Variants in TRMT44 observed in about 807,000 individuals in gnomAD.
TRMT44 encodes the protein tRNA methyltransferase 44 homolog.
Under a neutral mutation model 77.3 loss-of-function variants are expected in TRMT44, and 78 were observed. The ratio of observed to expected loss-of-function variants is 1.01; its 90% CI spans 0.84 to 1.22. The LOEUF is 1.22. TRMT44 is among the 50% of genes most tolerant of loss of function. The probability of loss-of-function intolerance (pLI) is 0.00; values close to 1 mark genes in which losing one functional copy is unlikely to be tolerated. For synonymous variants in TRMT44, 391 were observed against 383.3 expected, an observed-to-expected ratio of 1.02 and a Z score of -0.23; for missense variants, 1,090 against 964.4, an observed-to-expected ratio of 1.13 and a Z score of -1.73.
the TRMT44 span, among the ~76,000 whole-genome samples, chr4:8,514,350 T>G: frequency 0.072 from 10,740 of 148,962 alleles, 416 homozygotes; most frequent in African/African-American, 0.1. Context: ...TGCCTTCCCA[T>G]ATTCGAGCCC....
chr4:8,484,916 G>A (rs1340562227), intron 2 of TRMT44, among the ~76,000 whole-genome samples: 5 of 152,182 alleles, frequency 3.3e-5, no homozygotes, highest in South Asian at 2.1e-4. Flanking sequence ...GAATTATGCC[G>A]AGATAGGTAA....
At chr4:8,511,579 C>T in the TRMT44 span, among the ~76,000 whole-genome samples, 1 of 152,114 alleles carries the variant, frequency 6.6e-6, no homozygotes, top group Non-Finnish European at 1.5e-5. Context: ...GATCAACATC[C>T]CTAAAGTCTA....
In TRMT44 at chr4:8,444,916, T is replaced by G. The variant is rs1243094598; in HGVS notation, c.620-1560T>G. 2.0e-5 allele frequency among the ~76,000 whole-genome samples: 3 copies of G among 152,178 alleles called. No individual in the cohort carries two copies. The highest frequency in any genetic ancestry group is 2.9e-5 in the Non-Finnish European group (2 of 68,048). ...AATTTTAAAAATCGAAATTTATCAT[T>G]GTGTAGCGACAACAGTGACAGCAGA... On this transcript the variant is annotated intron_variant, in intron 1 of 10. Coordinates refer to ENST00000389737, the MANE Select transcript of TRMT44 (RefSeq NM_152544.3). This position sits in a 1 kb window ranked among gnomAD's most constrained non-coding sequence, Gnocchi z 4.0.
chr4:8,470,129 G>A (rs146916284), intron 9 of TRMT44, among the ~76,000 whole-genome samples: 198 of 152,370 alleles, frequency 1.3e-3, no homozygotes, highest in African/African-American at 4.5e-3. Context: ...CAACAGGGAA[G>A]GCTGACTGGG....
chr4:8,451,992 C>A lies in TRMT44; in HGVS notation c.987C>A (p.Phe329Leu), dbSNP rs1352676784. The A allele has an allele frequency of 2.0e-6, 3 of 1,536,654 alleles. No individual in the cohort carries two copies. Among genetic ancestry groups the A allele is most frequent in the African/African-American group, 2.7e-5 (2 of 73,132 alleles). Residue 329 changes from phenylalanine (F) to leucine (L), a missense_variant, in exon 4 of 11, where the codon TTC (phenylalanine) becomes TTA (leucine). By Grantham distance (22) the Phe-to-Leu change is conservative. Coordinates refer to ENST00000389737, the MANE Select transcript of TRMT44 (RefSeq NM_152544.3). The surrounding 1 kb of genome is among the most constrained non-coding windows in gnomAD (Gnocchi z 4.1). ...VWPEVTDPEK[F>L]VYEDVAIAAY... is the part of the protein sequence containing the mutation. ...CTGAAGTCACTGATCCTGAGAAGTT[C>A]GTGTATGAAGATGTGGCTATCGCAG...
intron 2 of TRMT44, 92 bp from the exon 3 acceptor site, chr4:8,449,577 C>A: frequency 9.6e-7 from 1 of 1,036,670 alleles, no homozygotes; most frequent in Non-Finnish European, 1.4e-6. Flanking sequence ...GATGTCTTAG[C>A]TTCTGTTTTC....
chr4:8,485,919 G>A (rs753639191), intron 2 of TRMT44, among the ~76,000 whole-genome samples: 2 of 152,182 alleles, frequency 1.3e-5, no homozygotes, highest in Non-Finnish European at 2.9e-5. Context: ...AGGCAACGTG[G>A]AGTGGGTAGC....
At chr4:8,488,954 C>G (rs192137971) in intron 2 of TRMT44, among the ~76,000 whole-genome samples, 7 of 152,322 alleles carry the variant, frequency 4.6e-5, no homozygotes, top group Admixed American at 4.6e-4. Context: ...GTGGGAGCAG[C>G]ACCACCCACA....
At chr4:8,450,836 C>T (rs555549218) in intron 3 of TRMT44, among the ~76,000 whole-genome samples, 11 of 122,530 alleles carry the variant, frequency 9.0e-5, no homozygotes, top group African/African-American at 2.2e-4. Context: ...CTCACTCTGT[C>T]GCCTAGGCTG....
chr4:8,503,269 C>A, the TRMT44 span, among the ~76,000 whole-genome samples: 1 of 152,262 alleles, frequency 6.6e-6, no homozygotes. Context: ...ATTCACCTTG[C>A]AAGGCAAGCT....
In TRMT44 at chr4:8,440,946, C is replaced by T; in HGVS notation, c.124C>T (p.Arg42Cys). The change falls in exon 1 of 11, where the codon CGC becomes TGC. Residue 42 changes from arginine (R) to cysteine (C), a missense_variant. Coordinates refer to ENST00000389737, the MANE Select transcript of TRMT44 (RefSeq NM_152544.3). Reference sequence around the variant, plus strand: ...GGCAAACAAACGGCTTTGCGGCGCCCGCCTGGAGGCCCGCTGGAGCGCCGC... The same window carrying T: ...GGCAAACAAACGGCTTTGCGGCGCCTGCCTGGAGGCCCGCTGGAGCGCCGC... ...QVANKRLCGA[R>C]LEARWSAALP... 1 of 1,529,448 alleles carries T rather than the reference C, an allele frequency of 6.5e-7. No individual in the cohort carries two copies. The highest frequency in any genetic ancestry group is 1.2e-5 in the South Asian group (1 of 83,164). The allele number at this position is 1,529,448 out of a possible 1,614,324, so 94.7% of individuals were successfully genotyped here.
intron 9 of TRMT44, among the ~76,000 whole-genome samples, chr4:8,470,660 T>C (rs1244461791): frequency 6.6e-6 from 1 of 152,196 alleles, no homozygotes; most frequent in African/African-American, 2.4e-5. Flanking sequence ...CCAGGCTGGC[T>C]GCCCCATGGT....
the TRMT44 span, among the ~76,000 whole-genome samples, chr4:8,512,951 C>T: frequency 0.017 from 2,558 of 152,262 alleles, 27 homozygotes; most frequent in Non-Finnish European, 0.027. Flanking sequence ...GTCACTCTCT[C>T]GCCCGGGCTG....
intron 2 of TRMT44, among the ~76,000 whole-genome samples, chr4:8,487,085 C>T (rs1005666448): frequency 5.9e-5 from 9 of 152,084 alleles, no homozygotes; most frequent in African/African-American, 2.2e-4. Context: ...GGACGTCAGG[C>T]ACATCAGACT....
chr4:8,471,167 A>G lies in TRMT44; in HGVS notation c.2011A>G (p.Thr671Ala). The change falls in exon 10 of 11, where the codon ACG becomes GCG. Residue 671 changes from threonine (T) to alanine (A), a missense_variant. Transcript: ENST00000389737. Reference sequence around the variant, plus strand: ...GAAGCGGGAGTGTGGGGGCCTGCAGACGCTGCTCCGGAACAGCCACCAGGT... The same window carrying G: ...GAAGCGGGAGTGTGGGGGCCTGCAGGCGCTGCTCCGGAACAGCCACCAGGT... ...RLKRECGGLQTLLRNSHQVFQ... is the reference protein window; with the variant it reads ...RLKRECGGLQALLRNSHQVFQ... The G allele has an allele frequency of 1.2e-6, 2 of 1,607,294 alleles. No individual in the cohort carries two copies.
chr4:8,474,114 T>C (rs1160492529), intron 10 of TRMT44, among the ~76,000 whole-genome samples: 1 of 151,918 alleles, frequency 6.6e-6, no homozygotes, highest in African/African-American at 2.4e-5. Context: ...GAGGGGAATC[T>C]GTACTCAGCC....
the TRMT44 span, among the ~76,000 whole-genome samples, chr4:8,498,953 G>C: frequency 1.3e-4 from 20 of 152,260 alleles, no homozygotes; most frequent in African/African-American, 4.8e-4. The surrounding 1 kb of genome is among the most constrained non-coding windows in gnomAD (Gnocchi z 4.3). Context: ...CCTTGAGCTG[G>C]AGCTTGAGAG....
chr4:8,463,608 C>A (rs1471265240), intron 6 of TRMT44, among the ~76,000 whole-genome samples: 2 of 152,232 alleles, frequency 1.3e-5, no homozygotes, highest in East Asian at 3.8e-4. Context: ...GCCTTCCATT[C>A]ACTTCCTCCG....
rs544133255 is a variant in TRMT44, at chr4:8,454,242, CAACTCCATGTCCCATCTTG to C, written c.1132-483_1132-465del. On this transcript the variant is annotated intron_variant, in intron 5 of 10. Coordinates refer to ENST00000389737, the MANE Select transcript of TRMT44 (RefSeq NM_152544.3). ...CACACTAAAGGCCACTGTGGTCACT[CAACTCCATGTCCCATCTTG>C]AACTCCATGTCCCATCATAATGACC... Among the ~76,000 whole-genome samples the C allele has an allele frequency of 1.4e-4, 21 of 152,298 alleles. No individual in the cohort carries two copies. In the South Asian group the frequency reaches 3.7e-3, roughly 27 times the overall value.
Sources: gnomAD v4.1 joint callset for allele counts (sites outside exome capture counted in the v4.1 genomes callset) on GRCh38, gnomAD v4.1.1 for gene constraint, Gnocchi (gnomAD v3.1) non-coding constraint, MANE v1.5 for transcripts, NCBI Gene and HGNC (gene_info 2026-07-23, HGNC 2026-07-21) for gene names.